Variants in ADGRF3 observed in about 807,000 individuals in gnomAD.
ADGRF3 encodes adhesion G protein-coupled receptor F3, also known as G protein-coupled receptor 113.
A neutral mutation model predicts 93.2 loss-of-function variants in ADGRF3; 85 were observed. The ratio of observed to expected loss-of-function variants is 0.91; its 90% confidence interval spans 0.77 to 1.09. The LOEUF (loss-of-function observed/expected upper bound fraction) is 1.09. Among genes scored for constraint, ADGRF3 ranks in the 50% least tolerant of loss-of-function variants. ADGRF3 has a pLI of 0.00. For synonymous variants in ADGRF3, 534 were observed against 532.5 expected (o/e 1.00, Z -0.04); for missense variants, 1,125 against 1,246.2 (o/e 0.90, Z 1.46).
Position 26,308,986 on chromosome 2 carries a change from C to CAA in ADGRF3, c.*99_*100insTT. ...CCTGCCTTTCTCAAGGGCTGAGCTC[C>CAA]GGGAGGCGGGAAGAGTTCAGAGCAT... On this transcript the variant is annotated 3_prime_UTR_variant, in exon 14 of 14. Coordinates refer to ENST00000651242, the MANE Select transcript of ADGRF3 (RefSeq NM_001321971.2). 7.2e-6 allele frequency: 11 copies of CAA among 1,531,352 alleles called. No homozygotes were observed. In the South Asian group the frequency reaches 1.0e-4, roughly 14 times the overall value. 94.9% of individuals were successfully genotyped at this position (1,531,352 alleles called of 1,614,324 possible).
intron 1 of ADGRF3, among the ~76,000 whole-genome samples, chr2:26,330,281 A>C (rs1015492659): frequency 2.6e-5 from 4 of 152,188 alleles, no homozygotes; most frequent in Non-Finnish European, 5.9e-5. Context: ...GTTTAGAGTC[A>C]GATCCACGCC....
At chr2:26,346,020 G>T in intron 1 of ADGRF3, 101 bp downstream of exon 1, 15 of 1,260,754 alleles carry the variant, frequency 1.2e-5, no homozygotes, top group Non-Finnish European at 1.6e-5. Flanking sequence ...ACCCCCCCTC[G>T]ATGGGCGGGG....
At chr2:26,309,166 T>A in intron 13 of ADGRF3, 59 bp from the exon 14 acceptor site, 1 of 1,613,908 alleles carries the variant, frequency 6.2e-7, no homozygotes, top group Non-Finnish European at 8.5e-7. Context: ...CAGGCTGCCC[T>A]CCCCTCTGGA....
intron 1 of ADGRF3, 34 bp downstream of exon 1, chr2:26,346,087 C>T (rs1033554556): frequency 6.5e-6 from 10 of 1,546,122 alleles, no homozygotes; most frequent in Non-Finnish European, 8.7e-6. Flanking sequence ...GAGGCGGCTA[C>T]GCGTGCGCGG....
At chr2:26,313,251 C>G in intron 8 of ADGRF3, 126 bp downstream of exon 8, 2 of 1,424,120 alleles carry the variant, frequency 1.4e-6, no homozygotes, top group Admixed American at 4.0e-5. Flanking sequence ...TCTGCTAGGG[C>G]TCCACTTCAG....
At chr2:26,319,032 G>A (rs1164569364) in intron 1 of ADGRF3, 1 of 1,551,402 alleles carries the variant, frequency 6.4e-7, no homozygotes, top group Admixed American at 2.0e-5. Context: ...GCAGCAGTGG[G>A]GCAGCCGAAC....
At chr2:26,337,922 C>T (rs1676146257) in intron 1 of ADGRF3, among the ~76,000 whole-genome samples, 1 of 152,104 alleles carries the variant, frequency 6.6e-6, no homozygotes, top group African/African-American at 2.4e-5. Flanking sequence ...ACTCGGGAGG[C>T]TGAGACATGA....
At chr2:26,332,398 C>G (rs1194796190) in intron 1 of ADGRF3, among the ~76,000 whole-genome samples, 1 of 152,144 alleles carries the variant, frequency 6.6e-6, no homozygotes, top group Non-Finnish European at 1.5e-5. Context: ...AGCCAACAAA[C>G]TAGAGAGCAA....
At chr2:26,316,535 C>T (rs1178326320) in intron 3 of ADGRF3, 87 bp from the exon 4 acceptor site, 10 of 1,378,502 alleles carry the variant, frequency 7.3e-6, no homozygotes, top group Non-Finnish European at 9.8e-6. Flanking sequence ...GCCTGAGAGG[C>T]TTTAGGGCTG....
chr2:26,321,919 G>A (rs373291057), intron 1 of ADGRF3, among the ~76,000 whole-genome samples: 2 of 149,888 alleles, frequency 1.3e-5, no homozygotes, highest in South Asian at 2.1e-4. Flanking sequence ...GTTGCAGTGA[G>A]CTGAGATCGT....
At chr2:26,336,452 G>A (rs113394754) in intron 1 of ADGRF3, among the ~76,000 whole-genome samples, 5,303 of 151,950 alleles carry the variant, frequency 0.035, 273 homozygotes, top group African/African-American at 0.11. Context: ...GAGGCTAGGC[G>A]CAGTGGCTCA....
Position 26,313,551 on chromosome 2 carries a change from C to A in ADGRF3, c.1095G>T (p.Glu365Asp). ...IIQDGDITCPEDASVLTWNVT... is the reference protein window; with the variant it reads ...IIQDGDITCPDDASVLTWNVT... ...CATTCCAGGTGAGCACCGAGGCGTC[C>A]TCAGGGCAGGTGATGTCTCCATCTG... The change falls in exon 8 of 14, where the codon GAG becomes GAT. Residue 365 changes from glutamate (E) to aspartate (D), a missense_variant. Physicochemically the swap from Glu to Asp is conservative, Grantham distance 45 (BLOSUM62 2). Coordinates refer to ENST00000651242, the MANE Select transcript of ADGRF3 (RefSeq NM_001321971.2). 2 of 1,608,014 alleles carry A rather than the reference C, an allele frequency of 1.2e-6. No homozygotes were observed. The highest frequency in any genetic ancestry group is 1.7e-6 in the Non-Finnish European group (2 of 1,178,720).
At chr2:26,333,802 A>C (rs1309440915) in intron 1 of ADGRF3, among the ~76,000 whole-genome samples, 2 of 152,146 alleles carry the variant, frequency 1.3e-5, no homozygotes, top group African/African-American at 4.8e-5. Flanking sequence ...GTACAAGAAC[A>C]GGATTTCATA....
At chr2:26,316,864 G>T in intron 3 of ADGRF3, 48 bp downstream of exon 3, 1 of 1,549,032 alleles carries the variant, frequency 6.5e-7, no homozygotes, top group Non-Finnish European at 8.7e-7. Flanking sequence ...AGGAGGCCCG[G>T]GAGCCTATGT....
At chr2:26,325,359 A>G (rs1209682286) in intron 1 of ADGRF3, among the ~76,000 whole-genome samples, 9 of 152,246 alleles carry the variant, frequency 5.9e-5, no homozygotes, top group Non-Finnish European at 1.3e-4. Context: ...ATGCCTTTAT[A>G]GGAAAAAAGA....
intron 1 of ADGRF3, among the ~76,000 whole-genome samples, chr2:26,329,488 G>A (rs956025885): frequency 5.3e-5 from 8 of 152,208 alleles, no homozygotes; most frequent in Admixed American, 5.2e-4. Flanking sequence ...ATTGATGACA[G>A]GCTCCAGAAG....
In ADGRF3 at chr2:26,311,061, C is replaced by G; in HGVS notation, c.2463G>C (p.Leu821=). The G allele has an allele frequency of 6.2e-7, 1 of 1,608,582 alleles. No homozygotes were observed. The highest frequency in any genetic ancestry group is 1.1e-5 in the South Asian group (1 of 89,950). The change falls in exon 10 of 14, where the codon CTG becomes CTC. Residue 821 remains leucine (L), a synonymous_variant. Transcript: ENST00000651242. The stretch of plus-strand genomic sequence containing the variant: ...CCAACCCCAGTGGGCACAGGTAGCC[C>G]AGGAGCACCATGAGGGGGAGAACTC... ...KHRVLPLMVL[L]GYLCPLGLAG...
intron 1 of ADGRF3, among the ~76,000 whole-genome samples, chr2:26,320,002 G>T (rs1201539289): frequency 1.3e-5 from 2 of 152,022 alleles, no homozygotes; most frequent in African/African-American, 2.4e-5. Context: ...GATAATACTG[G>T]TTTTTTATGT....
chr2:26,345,605 A>G (rs1314938050), intron 1 of ADGRF3: 2 of 153,866 alleles, frequency 1.3e-5, no homozygotes, highest in African/African-American at 4.8e-5. Context: ...ACGTTTACTA[A>G]ATTTCTACGG....
Sources: allele counts gnomAD v4.1 joint callset (sites outside exome capture counted in the v4.1 genomes callset), GRCh38; gene constraint gnomAD v4.1.1; transcripts MANE v1.5; gene names NCBI Gene and HGNC (gene_info 2026-07-23, HGNC 2026-07-21).